The following ATRN variants were observed in gnomAD, a reference collection of about 807,000 sequenced individuals.
ATRN encodes attractin-2.
Under a neutral mutation model 178.7 loss-of-function variants are expected in ATRN, and 54 were observed. The ratio of observed to expected loss-of-function variants is 0.30; its 90% CI spans 0.24 to 0.38. The LOEUF (loss-of-function observed/expected upper bound fraction) is 0.38, where lower values mean the gene tolerates loss of function less well. ATRN is among the 10% of genes least tolerant of loss of function. The pLI, the probability that ATRN is intolerant of heterozygous loss-of-function variation, is 1.00. For missense variants in ATRN, 1,443 were observed against 1,815.1 expected, an observed-to-expected ratio of 0.79 and a Z score of 3.73; for synonymous variants, 636 against 663.0, an observed-to-expected ratio of 0.96 and a Z score of 0.63.
chr20:3,606,383 C>A (rs904329024), intron 24 of ATRN, among the ~76,000 whole-genome samples: 4 of 152,208 alleles, frequency 2.6e-5, no homozygotes, highest in Non-Finnish European at 5.9e-5. Flanking sequence ...TCCTCTTCCT[C>A]TTCCTTAAAC....
At chr20:3,630,315 C>T (rs972163558) in intron 25 of ATRN, among the ~76,000 whole-genome samples, 4 of 152,116 alleles carry the variant, frequency 2.6e-5, no homozygotes, top group African/African-American at 9.7e-5. Context: ...GGGTCGGTAG[C>T]CCAAGCTTCA....
intron 24 of ATRN, 52 bp downstream of exon 24, chr20:3,604,314 G>C (rs2086651223): frequency 3.3e-6 from 5 of 1,521,680 alleles, no homozygotes; most frequent in Non-Finnish European, 4.4e-6. Flanking sequence ...AATCTCTTTA[G>C]TAAGACTAAA....
chr20:3,489,946 TC>T, intron 1 of ATRN: 1 of 1,092,628 alleles, frequency 9.2e-7, no homozygotes. Context: ...CTCTTACTGA[TC>T]TGCTCTTCTT....
At chr20:3,611,612 C>G (rs946854751) in intron 24 of ATRN, among the ~76,000 whole-genome samples, 2 of 152,156 alleles carry the variant, frequency 1.3e-5, no homozygotes, top group Admixed American at 1.3e-4. Flanking sequence ...CATGGTGGCA[C>G]ATGCCTATAG....
chr20:3,604,907 C>T (rs1373585698), intron 24 of ATRN, among the ~76,000 whole-genome samples: 1 of 152,196 alleles, frequency 6.6e-6, no homozygotes, highest in Non-Finnish European at 1.5e-5. Flanking sequence ...AGTGTACTCC[C>T]TCTTGTCCGA....
At chr20:3,602,476 T>A (rs682744) in intron 23 of ATRN, among the ~76,000 whole-genome samples, 4,229 of 152,278 alleles carry the variant, frequency 0.028, 157 homozygotes, top group African/African-American at 0.084. Context: ...CTGGGTTTTT[T>A]AAAATCAAAA....
intron 1 of ATRN, among the ~76,000 whole-genome samples, chr20:3,475,863 G>A (rs988709876): frequency 6.6e-6 from 1 of 152,214 alleles, no homozygotes; most frequent in Admixed American, 6.5e-5. Context: ...TAATAATAGT[G>A]GGTGGGTGTA....
intron 1 of ATRN, among the ~76,000 whole-genome samples, chr20:3,516,105 A>C (rs1469339008): frequency 6.6e-6 from 1 of 152,248 alleles, no homozygotes; most frequent in Non-Finnish European, 1.5e-5. Flanking sequence ...ATATGAAACA[A>C]GTAAGATATC....
At chr20:3,490,151 T>A in intron 1 of ATRN, 2 of 1,498,840 alleles carry the variant, frequency 1.3e-6, no homozygotes, top group Admixed American at 3.4e-5. Flanking sequence ...CCAGGGACTT[T>A]CCTTTGGTAC....
chr20:3,474,804 C>A (rs757806272), intron 1 of ATRN, among the ~76,000 whole-genome samples: 1 of 151,932 alleles, frequency 6.6e-6, no homozygotes, highest in Non-Finnish European at 1.5e-5. Context: ...GAGGCTGAGG[C>A]GGGCAGATCA....
chr20:3,631,907 G>T (rs2086992250), intron 25 of ATRN, among the ~76,000 whole-genome samples: 1 of 152,152 alleles, frequency 6.6e-6, no homozygotes. Flanking sequence ...GTTATTCTCA[G>T]ACCTCTTTAC....
chr20:3,515,681 G>A (rs2085197444), intron 1 of ATRN, among the ~76,000 whole-genome samples: 1 of 152,190 alleles, frequency 6.6e-6, no homozygotes, highest in South Asian at 2.1e-4. Flanking sequence ...AAGAGAAGTA[G>A]ACAGTAGCCT....
At chr20:3,522,627 C>T (rs1419409541) in intron 1 of ATRN, among the ~76,000 whole-genome samples, 2 of 152,214 alleles carry the variant, frequency 1.3e-5, no homozygotes, top group African/African-American at 2.4e-5. Flanking sequence ...CTAGGAGACA[C>T]CTCCCATCAG....
chr20:3,614,102 C>G (rs1309503942), intron 24 of ATRN, among the ~76,000 whole-genome samples: 1 of 152,128 alleles, frequency 6.6e-6, no homozygotes, highest in Non-Finnish European at 1.5e-5. Context: ...AAAAAACAAA[C>G]AAAACCCACA....
At chr20:3,625,398 C>G (rs898864425) in intron 25 of ATRN, among the ~76,000 whole-genome samples, 5 of 152,172 alleles carry the variant, frequency 3.3e-5, no homozygotes, top group African/African-American at 1.2e-4. Flanking sequence ...AACTCTTATT[C>G]ACAGCTGCAT....
At chr20:3,486,266 T>C (rs75183285) in intron 1 of ATRN, among the ~76,000 whole-genome samples, 2,009 of 151,574 alleles carry the variant, frequency 0.013, 44 homozygotes, top group African/African-American at 0.047. Context: ...ATAGCCAGTC[T>C]TTTTCACTTT....
At chr20:3,601,337 T>C (rs1757197476) in intron 23 of ATRN, among the ~76,000 whole-genome samples, 1 of 152,206 alleles carries the variant, frequency 6.6e-6, no homozygotes, top group Non-Finnish European at 1.5e-5. Flanking sequence ...ACCACCACCA[T>C]TTCTGTTCTT....
intron 24 of ATRN, among the ~76,000 whole-genome samples, chr20:3,621,022 G>A (rs574456715): frequency 1.3e-5 from 2 of 152,204 alleles, no homozygotes; most frequent in South Asian, 2.1e-4. Context: ...GTTAGTGTTA[G>A]TGTTAGTGTA....
intron 1 of ATRN, among the ~76,000 whole-genome samples, chr20:3,506,790 GATC>G (rs1309298364): frequency 1.3e-5 from 2 of 151,942 alleles, no homozygotes; most frequent in Non-Finnish European, 2.9e-5. Context: ...TTATTAGAAT[GATC>G]AGAAATAGAC....
Sources: allele counts gnomAD v4.1 joint callset (sites outside exome capture counted in the v4.1 genomes callset), GRCh38; gene constraint gnomAD v4.1.1; transcripts MANE v1.5; gene names NCBI Gene and HGNC (gene_info 2026-07-23, HGNC 2026-07-21).